The following DLC1 variants were observed in gnomAD, a reference collection of about 807,000 sequenced individuals.
DLC1 encodes the protein DLC1 Rho GTPase activating protein, also known as rho GTPase-activating protein 7.
In DLC1, 54 loss-of-function variants were observed where a neutral mutation model predicts 140.3. That is an observed-to-expected ratio of 0.38 (90% confidence interval 0.31 to 0.48). The LOEUF is 0.48. Ranked by LOEUF, DLC1 falls within the 20% of genes least tolerant of loss-of-function variation. The probability of loss-of-function intolerance (pLI) is 0.96; values close to 1 mark genes in which losing one functional copy is unlikely to be tolerated. For synonymous variants in DLC1, 986 were observed against 728.1 expected, an observed-to-expected ratio of 1.35 and a Z score of -5.70; for missense variants, 2,536 against 1,907.0, an observed-to-expected ratio of 1.33 and a Z score of -6.14.
intron 2 of DLC1, 108 bp downstream of exon 2, chr8:13,498,941 G>T: frequency 7.5e-7 from 1 of 1,326,102 alleles, no homozygotes; most frequent in Non-Finnish European, 1.0e-6. Flanking sequence ...GCATAACAGG[G>T]CAAAAGAACC....
In DLC1 at chr8:13,560,317, A is replaced by C. The variant is rs142162008; in HGVS notation, c.-126+44220T>G. On this transcript the variant is annotated intron_variant, in intron 1 of 1. Coordinates refer to the DLC1 transcript ENST00000631382. ...TCACTTATTTTCAAATAAAACTAAT[A>C]CTTTCTTAAAATAATTTCTTACTTA... is the stretch of plus-strand genomic sequence containing the variant. Among the ~76,000 whole-genome samples the C allele has an allele frequency of 4.4e-3, 677 of 152,312 alleles. 4 individuals carry two copies. Among genetic ancestry groups the C allele is most frequent in the African/African-American group, 0.016 (652 of 41,558 alleles).
rs752132867 is a variant in DLC1 at position 13,187,661 on chromosome 8, C to A, written c.1349-72004G>T. On this transcript the variant is annotated intron_variant, in intron 5 of 17. Transcript: ENST00000276297. ...AAAATTGGAGATACTATGTGGGAAG[C>A]AATCTATGCTGGGGATATCTGGACT... Among the ~76,000 whole-genome samples the A allele has an allele frequency of 4.6e-4, 70 of 152,142 alleles. 2 individuals are homozygous for A. Among genetic ancestry groups the A allele is most frequent in the Admixed American group, 3.9e-4 (6 of 15,280 alleles).
chr8:13,585,151 A>G (rs1298688014), intron 1 of DLC1, among the ~76,000 whole-genome samples: 4 of 152,260 alleles, frequency 2.6e-5, no homozygotes, highest in Non-Finnish European at 5.9e-5. Flanking sequence ...CAATGTGGTC[A>G]ATATAGTAGC....
chr8:13,252,914 A>T (rs1830074030), intron 5 of DLC1, among the ~76,000 whole-genome samples: 2 of 152,220 alleles, frequency 1.3e-5, no homozygotes, highest in Admixed American at 1.3e-4. Flanking sequence ...ATTAAGTTTT[A>T]TCAAGAACCC....
chr8:13,519,684 C>A (rs1802705460), upstream of DLC1, among the ~76,000 whole-genome samples: 1 of 152,086 alleles, frequency 6.6e-6, no homozygotes, highest in Admixed American at 6.5e-5. Flanking sequence ...TTGATTCCTG[C>A]TTTTTGGACT....
At chr8:13,236,699 C>T (rs866813290) in intron 5 of DLC1, among the ~76,000 whole-genome samples, 1 of 151,932 alleles carries the variant, frequency 6.6e-6, no homozygotes, top group Non-Finnish European at 1.5e-5. Flanking sequence ...TAAATTAGGG[C>T]CATTTGGGAT....
intron 5 of DLC1, among the ~76,000 whole-genome samples, chr8:13,234,233 C>T (rs1829182247): frequency 6.6e-6 from 1 of 151,990 alleles, no homozygotes; most frequent in Non-Finnish European, 1.5e-5. Flanking sequence ...AGCTTAAGGC[C>T]AAGTCAAGAT....
chr8:13,139,125 A>G (rs1822777891), intron 5 of DLC1, among the ~76,000 whole-genome samples: 2 of 151,664 alleles, frequency 1.3e-5, no homozygotes, highest in South Asian at 2.1e-4. Flanking sequence ...TCTACACAAC[A>G]TTAAAAATAA....
At chr8:13,242,236 A>G (rs1037659458) in intron 5 of DLC1, among the ~76,000 whole-genome samples, 3 of 152,050 alleles carry the variant, frequency 2.0e-5, no homozygotes, top group Admixed American at 6.6e-5. Flanking sequence ...TAGAGCATCA[A>G]TACTCTGAAT....
chr8:13,565,869 T>A (rs1037907848), intron 1 of DLC1, among the ~76,000 whole-genome samples: 2 of 152,238 alleles, frequency 1.3e-5, no homozygotes. Context: ...CTGTGTTTTT[T>A]AAATGAATCC....
At position 13,171,636 on chromosome 8, in the gene DLC1, C is replaced by A. The variant is rs535549054; in HGVS notation, c.1349-55979G>T. ...CTCCTGGCCTCAAGCAATCCTCCCT[C>A]CTCGACCTCCCAAAGTGCTGGGATT... On this transcript the variant is annotated intron_variant, in intron 5 of 17. Transcript: ENST00000276297. Among the ~76,000 whole-genome samples the A allele has an allele frequency of 3.9e-5, 6 of 152,324 alleles. No individual in the cohort carries two copies. The South Asian group carries it at 1.2e-3, about 32-fold the overall frequency.
chr8:13,537,093 T>C (rs1196244218), intron 1 of DLC1, among the ~76,000 whole-genome samples: 1 of 151,432 alleles, frequency 6.6e-6, no homozygotes, highest in African/African-American at 2.4e-5. Flanking sequence ...TTAAGCACAT[T>C]AAATATGTAG....
Position 13,304,359 on chromosome 8 carries a change from C to T in DLC1, c.1348+910G>A, listed in dbSNP as rs77686199. Among the ~76,000 whole-genome samples the T allele has an allele frequency of 5.8e-3, 884 of 152,164 alleles. 9 individuals carry two copies. Among genetic ancestry groups the T allele is most frequent in the African/African-American group, 0.02 (836 of 41,526 alleles). ...TTTCAACATTATTAAAGTGAAGAAA[C>T]GAGATACAGCCTAAACATGAGAGAA... is the stretch of plus-strand genomic sequence containing the variant. On this transcript the variant is annotated intron_variant, in intron 5 of 17. Transcript: ENST00000276297.
chr8:13,392,683 A>G (rs548288218), intron 4 of DLC1, among the ~76,000 whole-genome samples: 44 of 152,308 alleles, frequency 2.9e-4, no homozygotes, highest in African/African-American at 1.0e-3. Flanking sequence ...CTTCCTTCAT[A>G]AGTGTTACCT....
At chr8:13,582,940 C>T (rs1463980738) in intron 1 of DLC1, among the ~76,000 whole-genome samples, 7 of 130,508 alleles carry the variant, frequency 5.4e-5, no homozygotes, top group Non-Finnish European at 1.1e-4. Context: ...AGCATTATGT[C>T]TAAAACGGTA....
At chr8:13,535,295 A>G (rs975903507) in intron 1 of DLC1, among the ~76,000 whole-genome samples, 3 of 152,150 alleles carry the variant, frequency 2.0e-5, no homozygotes, top group African/African-American at 7.2e-5. Flanking sequence ...GAAGGCCTCT[A>G]TGAGAAAGCA....
chr8:13,467,238 G>C (rs1327281171), intron 2 of DLC1, among the ~76,000 whole-genome samples: 1 of 152,104 alleles, frequency 6.6e-6, no homozygotes, highest in African/African-American at 2.4e-5. Context: ...GGCTTACTTA[G>C]TAGACAATCA....
chr8:13,236,161 T>C (rs1369090146), intron 5 of DLC1, among the ~76,000 whole-genome samples: 3 of 152,064 alleles, frequency 2.0e-5, no homozygotes, highest in Non-Finnish European at 4.4e-5. Context: ...TTGTAGTTTT[T>C]TGGCAATATA....
intron 4 of DLC1, among the ~76,000 whole-genome samples, chr8:13,315,859 A>G (rs919146942): frequency 2.0e-5 from 3 of 152,200 alleles, no homozygotes; most frequent in Non-Finnish European, 2.9e-5. Context: ...ATTTTTGGTG[A>G]CAAAGTTATT....
Sources: allele counts gnomAD v4.1 joint callset (sites outside exome capture counted in the v4.1 genomes callset), GRCh38; gene constraint gnomAD v4.1.1; transcripts MANE v1.5; gene names NCBI Gene and HGNC (gene_info 2026-07-23, HGNC 2026-07-21).